UNC79: variants seen among roughly 807,000 people sequenced by gnomAD.
The protein encoded by UNC79 is unc-79 subunit of NALCN channel complex.
Under a neutral mutation model 283.1 loss-of-function variants are expected in UNC79, and 37 were observed. The ratio of observed to expected loss-of-function variants is 0.13; its 90% confidence interval spans 0.10 to 0.17. The LOEUF (loss-of-function observed/expected upper bound fraction) is 0.17. Among genes scored for constraint, UNC79 ranks in the 10% least tolerant of loss-of-function variants. The pLI is 1.00. For missense variants in UNC79, 2,272 were observed against 3,211.1 expected (o/e 0.71, Z 7.07); for synonymous variants, 1,107 against 1,200.2 (o/e 0.92, Z 1.61).
intron 39 of UNC79, among the ~76,000 whole-genome samples, chr14:93,661,435 A>G (rs960174233): frequency 6.6e-6 from 1 of 152,180 alleles, no homozygotes; most frequent in Non-Finnish European, 1.5e-5. Context: ...AACATGTATG[A>G]CTTTTGAAAA....
At chr14:93,541,730 G>A (rs2061382274) in intron 13 of UNC79, among the ~76,000 whole-genome samples, 1 of 152,136 alleles carries the variant, frequency 6.6e-6, no homozygotes, top group African/African-American at 2.4e-5. Context: ...TATGGGCCGG[G>A]AGCGGTGGCT....
intron 37 of UNC79, 123 bp from the exon 41 acceptor site, chr14:93,655,111 T>A: frequency 9.9e-7 from 1 of 1,007,954 alleles, no homozygotes; most frequent in Non-Finnish European, 1.4e-6. Flanking sequence ...GATTGGCCTA[T>A]GTAGTAGGCA....
At chr14:93,604,822 T>G in intron 26 of UNC79, 74 bp from the exon 27 acceptor site, 1 of 1,423,918 alleles carries the variant, frequency 7.0e-7, no homozygotes, top group Admixed American at 2.3e-5. Context: ...CCCATAAAGT[T>G]AGCACTGAGT....
At chr14:93,513,480 A>G (rs1216330585) in intron 7 of UNC79, among the ~76,000 whole-genome samples, 1 of 152,008 alleles carries the variant, frequency 6.6e-6, no homozygotes, top group Non-Finnish European at 1.5e-5. Context: ...CAGCCTCCCA[A>G]AGTGCTGGGA....
chr14:93,345,810 C>A (rs1359241457), intron 1 of UNC79, among the ~76,000 whole-genome samples: 3 of 151,906 alleles, frequency 2.0e-5, no homozygotes, highest in African/African-American at 7.3e-5. Flanking sequence ...AAAGGTCTTA[C>A]CCACTGCTAA....
chr14:93,655,090 T>C (rs898888227), intron 37 of UNC79, 144 bp from the exon 41 acceptor site: 2 of 766,294 alleles, frequency 2.6e-6, no homozygotes, highest in South Asian at 2.7e-5. Flanking sequence ...ATCCTTCCAG[T>C]CTATCACAGG....
chr14:93,479,627 T>G (rs2058019200), intron 4 of UNC79, among the ~76,000 whole-genome samples: 1 of 151,988 alleles, frequency 6.6e-6, no homozygotes, highest in Non-Finnish European at 1.5e-5. Context: ...TTCCTCTCTC[T>G]CTCTCTCTCT....
intron 14 of UNC79, among the ~76,000 whole-genome samples, chr14:93,559,048 T>C (rs1230224673): frequency 6.6e-6 from 1 of 152,172 alleles, no homozygotes; most frequent in East Asian, 1.9e-4. Context: ...GAATTAAATT[T>C]AAAAGAGCTT....
At chr14:93,649,703 A>G (rs113440725) in intron 35 of UNC79, among the ~76,000 whole-genome samples, 25 of 152,308 alleles carry the variant, frequency 1.6e-4, no homozygotes, top group African/African-American at 5.3e-4. Flanking sequence ...ATCACCTCAC[A>G]TAGTTATCTT....
At chr14:93,626,381 G>A (rs2067569811) in intron 30 of UNC79, among the ~76,000 whole-genome samples, 1 of 152,016 alleles carries the variant, frequency 6.6e-6, no homozygotes, top group Non-Finnish European at 1.5e-5. Context: ...TCCACATGTG[G>A]ACACGATTCT....
At chr14:93,537,083 C>G (rs1567070127) in intron 11 of UNC79, among the ~76,000 whole-genome samples, 1 of 152,134 alleles carries the variant, frequency 6.6e-6, no homozygotes, top group East Asian at 1.9e-4. Context: ...GTTCATAAAG[C>G]CTTAGAGTCT....
chr14:93,653,901 C>G, intron 36 of UNC79, 39 bp from the exon 40 acceptor site: 1 of 1,614,078 alleles, frequency 6.2e-7, no homozygotes, highest in Non-Finnish European at 8.5e-7. Flanking sequence ...TGCCTCATCC[C>G]AGACACCCAA....
intron 1 of UNC79, among the ~76,000 whole-genome samples, chr14:93,342,077 G>A (rs1034301201): frequency 1.3e-5 from 2 of 152,192 alleles, no homozygotes. Flanking sequence ...ACTAGGCAGT[G>A]CTGTAGTAGA....
At chr14:93,412,297 C>T (rs2055351727) in intron 1 of UNC79, among the ~76,000 whole-genome samples, 1 of 151,868 alleles carries the variant, frequency 6.6e-6, no homozygotes, top group Non-Finnish European at 1.5e-5. Context: ...AGAAAATAGC[C>T]TTAAAAGGTC....
intron 39 of UNC79, among the ~76,000 whole-genome samples, chr14:93,660,547 ATATATATATATATATATGTGTG>A (rs1157309345): frequency 2.5e-5 from 3 of 119,002 alleles, no homozygotes; most frequent in African/African-American, 1.2e-4. Flanking sequence ...ATATATATAT[ATATATATATATATATATGTGTG>A]TGTGTGTGTG....
chr14:93,699,815 C>A (rs1343139406), intron 47 of UNC79, among the ~76,000 whole-genome samples: 1 of 152,036 alleles, frequency 6.6e-6, no homozygotes, highest in South Asian at 2.1e-4. Context: ...AGATTTTAAA[C>A]AAGTTTTATG....
chr14:93,445,171 T>C (rs2140146744), intron 1 of UNC79, among the ~76,000 whole-genome samples: 1 of 152,344 alleles, frequency 6.6e-6, no homozygotes, highest in Admixed American at 6.5e-5. Context: ...CACACTCATG[T>C]ATTTGGTGAG....
At chr14:93,518,070 A>G (rs528722846) in intron 7 of UNC79, among the ~76,000 whole-genome samples, 1 of 152,196 alleles carries the variant, frequency 6.6e-6, no homozygotes, top group East Asian at 1.9e-4. Context: ...TTATTTAATT[A>G]TGATGTCTTC....
chr14:93,652,602 T>C (rs1226699213), intron 35 of UNC79, among the ~76,000 whole-genome samples: 3 of 152,232 alleles, frequency 2.0e-5, no homozygotes, highest in Admixed American at 2.0e-4. Flanking sequence ...TTTTGTGAGA[T>C]GTATTTTCTG....
Sources: gnomAD v4.1 joint callset for allele counts (sites outside exome capture counted in the v4.1 genomes callset) on GRCh38, gnomAD v4.1.1 for gene constraint, MANE v1.5 for transcripts, NCBI Gene and HGNC (gene_info 2026-07-23, HGNC 2026-07-21) for gene names.